HECW1: variants seen among roughly 807,000 people sequenced by gnomAD.
The protein encoded by HECW1 is HECT, C2 and WW domain containing E3 ubiquitin protein ligase 1, also known as E3 ubiquitin-protein ligase HECW1.
HECW1 carries 61 observed loss-of-function variants against 182.3 expected under a neutral mutation model. The observed-to-expected ratio is 0.33, with a 90% CI of 0.27 to 0.41. HECW1 has a LOEUF of 0.41. Among genes scored for constraint, HECW1 ranks in the 10% least tolerant of loss-of-function variants. HECW1 has a pLI of 1.00. For synonymous variants in HECW1, 859 were observed against 832.6 expected (o/e 1.03, Z -0.55); for missense variants, 1,739 against 2,108.9 (o/e 0.82, Z 3.44).
At chr7:43,281,971 C>T (rs754197813) in intron 3 of HECW1, among the ~76,000 whole-genome samples, 3 of 152,082 alleles carry the variant, frequency 2.0e-5, no homozygotes, top group African/African-American at 4.8e-5. Flanking sequence ...GAGCCTTTTT[C>T]GAGTCCCTCA....
intron 19 of HECW1, among the ~76,000 whole-genome samples, chr7:43,499,145 G>C (rs140297442): frequency 6.6e-6 from 1 of 151,956 alleles, no homozygotes. Context: ...GCCAAGCCTG[G>C]TGGTGTGCGT....
intron 3 of HECW1, among the ~76,000 whole-genome samples, chr7:43,273,438 C>T (rs752957607): frequency 6.6e-6 from 1 of 151,678 alleles, no homozygotes; most frequent in Non-Finnish European, 1.5e-5. Context: ...ATATAAATTT[C>T]GTAAATAATA....
chr7:43,512,164 C>T (rs539005879), intron 24 of HECW1: 4 of 222,910 alleles, frequency 1.8e-5, no homozygotes, highest in South Asian at 1.9e-4. Flanking sequence ...GTGCATCACT[C>T]ATAAGGAAAC....
intron 17 of HECW1, among the ~76,000 whole-genome samples, chr7:43,488,333 AGG>A (rs1465120770): frequency 2.8e-4 from 1 of 3,576 alleles, no homozygotes; most frequent in Non-Finnish European, 6.1e-4. Flanking sequence ...AGAGGAAGGA[AGG>A]AAGGAAGGAA....
At chr7:43,185,167 CTGGCTTCCTGA>C in intron 2 of HECW1, among the ~76,000 whole-genome samples, 1 of 152,180 alleles carries the variant, frequency 6.6e-6, no homozygotes, top group South Asian at 2.1e-4. Context: ...GGGGAAGGGG[CTGGCTTCCTGA>C]TGGCTGAACA....
chr7:43,463,557 C>T (rs2077658350), intron 13 of HECW1, 103 bp from the exon 14 acceptor site: 2 of 1,096,072 alleles, frequency 1.8e-6, no homozygotes, highest in East Asian at 4.9e-5. Flanking sequence ...TCCTGACATT[C>T]AAGACAATTC....
chr7:43,236,445 C>T (rs959574187), intron 2 of HECW1, among the ~76,000 whole-genome samples: 12 of 152,044 alleles, frequency 7.9e-5, no homozygotes, highest in African/African-American at 2.7e-4. Context: ...TCCTGAGGCC[C>T]AAGGTGGTTG....
intron 19 of HECW1, among the ~76,000 whole-genome samples, chr7:43,495,986 T>G (rs971166456): frequency 2.7e-5 from 4 of 147,432 alleles, no homozygotes; most frequent in Non-Finnish European, 5.9e-5. Flanking sequence ...TTAGAAAAGG[T>G]TTTTTTTTAA....
intron 7 of HECW1, among the ~76,000 whole-genome samples, chr7:43,406,813 G>T (rs1355590967): frequency 6.6e-6 from 1 of 152,100 alleles, no homozygotes; most frequent in Non-Finnish European, 1.5e-5. Context: ...AGCTACTCGA[G>T]AGGCTGAGGC....
intron 24 of HECW1, among the ~76,000 whole-genome samples, chr7:43,538,306 C>T (rs2081251130): frequency 6.6e-6 from 1 of 152,142 alleles, no homozygotes; most frequent in African/African-American, 2.4e-5. Flanking sequence ...TCCTGAGGCC[C>T]AACTGCATTC....
intron 17 of HECW1, 82 bp downstream of exon 17, chr7:43,479,826 G>A (rs1015515437): frequency 1.3e-6 from 2 of 1,537,706 alleles, no homozygotes; most frequent in Admixed American, 3.4e-5. Flanking sequence ...TTCTTCAGTG[G>A]CTAGGATCTA....
rs1324310155 is a variant in HECW1 at position 43,224,637 on chromosome 7, C to T, written c.-31-19238C>T. ...GAGTTCCAGACCAGCCTGGGCAACA[C>T]GGCAAGACCCTGGCTCTACAGAAAA... is the stretch of plus-strand genomic sequence containing the variant. On this transcript the variant is annotated intron_variant, in intron 2 of 29. Transcript: ENST00000395891. 2.0e-5 allele frequency among the ~76,000 whole-genome samples: 3 copies of T among 150,650 alleles called. No individual in the cohort carries two copies. In the East Asian group the frequency reaches 5.8e-4, roughly 29 times the overall value.
chr7:43,383,792 A>G (rs982177725), intron 6 of HECW1, among the ~76,000 whole-genome samples: 6 of 151,444 alleles, frequency 4.0e-5, no homozygotes, highest in African/African-American at 1.5e-4. Context: ...AAACTTAACC[A>G]CTAACACCCT....
Position 43,123,742 on chromosome 7 carries a change from A to G in HECW1, c.-32+9351A>G, listed in dbSNP as rs1236863966. 2.6e-5 allele frequency among the ~76,000 whole-genome samples: 4 copies of G among 152,246 alleles called. No individual in the cohort carries two copies. In the South Asian group the frequency reaches 6.2e-4, roughly 24 times the overall value. On this transcript the variant is annotated intron_variant, in intron 2 of 29. Transcript: ENST00000395891. ...CCAGACCACACTGGACATGAGCCCCAGCCCTCTTGCCTGCCTGATGCTGTG... is the reference window on the plus strand; with the variant it reads ...CCAGACCACACTGGACATGAGCCCCGGCCCTCTTGCCTGCCTGATGCTGTG...
intron 3 of HECW1, among the ~76,000 whole-genome samples, chr7:43,270,690 A>G (rs1802300788): frequency 6.6e-6 from 1 of 152,234 alleles, no homozygotes; most frequent in Admixed American, 6.5e-5. Context: ...GAAAAAATCA[A>G]TATAGCATTT....
intron 1 of HECW1, chr7:43,113,694 C>T (rs1784823086): frequency 4.9e-6 from 1 of 205,724 alleles, no homozygotes; most frequent in Non-Finnish European, 9.9e-6. Context: ...GCGTCCGGTC[C>T]ATTTTTGGCT....
At position 43,436,263 on chromosome 7, in the gene HECW1, G is replaced by A. The variant is rs114868935; in HGVS notation, c.802-1740G>A. 6.6e-3 allele frequency among the ~76,000 whole-genome samples: 998 copies of A among 152,200 alleles called. 7 individuals are homozygous for A. The highest frequency in any genetic ancestry group is 0.022 in the African/African-American group (921 of 41,496). Reference sequence around the variant, plus strand: ...GTGTTTCACAGCCCTTGATTAAGGGGACTGTAACATTCAATGTTAATTAAG... The same window carrying A: ...GTGTTTCACAGCCCTTGATTAAGGGAACTGTAACATTCAATGTTAATTAAG... On this transcript the variant is annotated intron_variant, in intron 8 of 29. Coordinates refer to ENST00000395891, the MANE Select transcript of HECW1 (RefSeq NM_015052.5).
At chr7:43,507,373 T>A in intron 22 of HECW1, 116 bp downstream of exon 22, 1 of 1,001,882 alleles carries the variant, frequency 1.0e-6, no homozygotes, top group Non-Finnish European at 1.4e-6. Context: ...GTAGTGGTTA[T>A]GGTCTGAAGC....
chr7:43,353,136 G>A lies in HECW1; in HGVS notation c.461-7750G>A, dbSNP rs552641064. ...ACTTCGTGAAGGACATGGTCACCCC[G>A]GCCCAAACTTGAAAATATAAATATA... On this transcript the variant is annotated intron_variant, in intron 5 of 29. Transcript: ENST00000395891. Among the ~76,000 whole-genome samples, 11 of 151,898 alleles carry A rather than the reference G, an allele frequency of 7.2e-5. No homozygotes were observed. In the East Asian group the frequency reaches 7.7e-4, roughly 11 times the overall value.
Sources: allele counts gnomAD v4.1 joint callset (sites outside exome capture counted in the v4.1 genomes callset), GRCh38; gene constraint gnomAD v4.1.1; transcripts MANE v1.5; gene names NCBI Gene and HGNC (gene_info 2026-07-23, HGNC 2026-07-21).